Variants in ELAVL2 observed in about 807,000 individuals in gnomAD.
ELAVL2 encodes the protein ELAV-like protein 2.
ELAVL2 carries 4 observed loss-of-function variants against 34.6 expected under a neutral mutation model. The ratio of observed to expected loss-of-function variants is 0.12; its 90% CI spans 0.06 to 0.26. The LOEUF (loss-of-function observed/expected upper bound fraction) is 0.26, where lower values mean the gene tolerates loss of function less well. Ranked by LOEUF, ELAVL2 falls within the 10% of genes least tolerant of loss-of-function variation. The pLI, the probability that ELAVL2 is intolerant of heterozygous loss-of-function variation, is 1.00. For missense variants in ELAVL2, 432 were observed against 442.8 expected (o/e 0.98, Z 0.22); for synonymous variants, 193 against 154.8 (o/e 1.25, Z -1.83).
intron 5 of ELAVL2, among the ~76,000 whole-genome samples, 165 bp from the exon 6 acceptor site, chr9:23,693,651 A>C (rs2034027840): frequency 6.6e-6 from 1 of 152,182 alleles, no homozygotes; most frequent in Non-Finnish European, 1.5e-5. Flanking sequence ...ATGGGCACCG[A>C]CTGCCACAGG....
rs575766635 is a variant in ELAVL2, at chr9:23,778,956, G to T, written c.-15-16707C>A. 5.9e-5 allele frequency among the ~76,000 whole-genome samples: 9 copies of T among 152,278 alleles called. No individual in the cohort carries two copies. The South Asian group carries it at 8.3e-4, about 14-fold the overall frequency. On this transcript the variant is annotated intron_variant, in intron 1 of 6. Transcript: ENST00000397312. ...TAGGTATATCCTGTCCCTTCTGGGGGCTGAGTTTGAGACAGTTAATTCAAA... is the reference window on the plus strand; with the variant it reads ...TAGGTATATCCTGTCCCTTCTGGGGTCTGAGTTTGAGACAGTTAATTCAAA...
chr9:23,757,146 G>T lies in ELAVL2; in HGVS notation c.229+4860C>A, dbSNP rs1000060893. Among the ~76,000 whole-genome samples, 8 of 152,236 alleles carry T rather than the reference G, an allele frequency of 5.3e-5. No individual in the cohort carries two copies. In the East Asian group the frequency reaches 1.2e-3, roughly 22 times the overall value. On this transcript the variant is annotated intron_variant, in intron 2 of 6. Coordinates refer to ENST00000397312, the MANE Select transcript of ELAVL2 (RefSeq NM_004432.5). Reference sequence around the variant, plus strand: ...AACCATAGATTATAATGTTTCTAGAGAAGCACAGATGTTCTTGTTCATTTG... The same window carrying T: ...AACCATAGATTATAATGTTTCTAGATAAGCACAGATGTTCTTGTTCATTTG...
chr9:23,748,983 G>A (rs573120333), intron 2 of ELAVL2, among the ~76,000 whole-genome samples: 1 of 152,212 alleles, frequency 6.6e-6, no homozygotes, highest in African/African-American at 2.4e-5. Context: ...GAGCAAAGGA[G>A]GTGGGTGAGG....
chr9:23,761,899 T>G, intron 2 of ELAVL2, 107 bp downstream of exon 2: 1 of 1,337,216 alleles, frequency 7.5e-7, no homozygotes, highest in Non-Finnish European at 9.9e-7. Flanking sequence ...AAAATCTAGA[T>G]ATGTAAAATT....
the ELAVL2 span, among the ~76,000 whole-genome samples, chr9:23,833,977 T>C: frequency 2.0e-5 from 3 of 151,986 alleles, no homozygotes; most frequent in Non-Finnish European, 4.4e-5. Flanking sequence ...CAATACATAA[T>C]CACTTCCTAT....
chr9:23,774,083 C>T (rs1016352969), intron 1 of ELAVL2, among the ~76,000 whole-genome samples: 17 of 151,398 alleles, frequency 1.1e-4, no homozygotes, highest in Non-Finnish European at 1.8e-4. Flanking sequence ...TGGTGGCGGG[C>T]GCCTGTAGTC....
At chr9:23,754,869 G>A (rs2053158649) in intron 2 of ELAVL2, among the ~76,000 whole-genome samples, 2 of 152,116 alleles carry the variant, frequency 1.3e-5, no homozygotes, top group South Asian at 4.1e-4. Context: ...AATTTCCCAT[G>A]GGAAGATGTC....
the ELAVL2 span, among the ~76,000 whole-genome samples, chr9:23,837,818 A>G: frequency 6.6e-6 from 1 of 152,196 alleles, no homozygotes; most frequent in South Asian, 2.1e-4. Context: ...AGAAATAATC[A>G]TACTCTTATA....
rs185137714 is a variant in ELAVL2 at position 23,727,866 on chromosome 9, T to C, written c.333+3156A>G. Among the ~76,000 whole-genome samples, 16 of 152,172 alleles carry C rather than the reference T, an allele frequency of 1.1e-4. No homozygotes were observed. The East Asian group carries it at 3.1e-3, about 29-fold the overall frequency. On this transcript the variant is annotated intron_variant, in intron 3 of 6. Transcript: ENST00000397312. ...GCTATTAGGGAGCCCCAGGAGAAAC[T>C]GCTAAATAAACCACCTTTCACAGCA...
At chr9:23,728,200 A>C (rs1418957982) in intron 3 of ELAVL2, among the ~76,000 whole-genome samples, 5 of 152,028 alleles carry the variant, frequency 3.3e-5, no homozygotes. Context: ...TGTAATTCCA[A>C]AACTTCTGTG....
chr9:23,835,530 C>G, the ELAVL2 span, among the ~76,000 whole-genome samples: 1 of 152,028 alleles, frequency 6.6e-6, no homozygotes, highest in African/African-American at 2.4e-5. Flanking sequence ...AAAAATCTAT[C>G]AAAATAAATA....
At position 23,791,581 on chromosome 9, in the gene ELAVL2, T is replaced by G. The variant is rs1352018899; in HGVS notation, c.-15-29332A>C. ...CAGGAAATAAGGCTAAATGAGGTCATAAGTGTAAATAATTAAGAATAAATG... is the reference window on the plus strand; with the variant it reads ...CAGGAAATAAGGCTAAATGAGGTCAGAAGTGTAAATAATTAAGAATAAATG... On this transcript the variant is annotated intron_variant, in intron 1 of 6. Coordinates refer to ENST00000397312, the MANE Select transcript of ELAVL2 (RefSeq NM_004432.5). Among the ~76,000 whole-genome samples the G allele has an allele frequency of 2.0e-5, 3 of 152,206 alleles. No individual in the cohort carries two copies. The East Asian group carries it at 5.8e-4, about 30-fold the overall frequency.
At chr9:23,786,366 T>C (rs1159236481) in intron 1 of ELAVL2, among the ~76,000 whole-genome samples, 2 of 152,194 alleles carry the variant, frequency 1.3e-5, no homozygotes, top group South Asian at 2.1e-4. Context: ...TAAATGCTTA[T>C]TTCATACTGA....
intron 1 of ELAVL2, among the ~76,000 whole-genome samples, chr9:23,815,677 C>T (rs940659463): frequency 6.6e-6 from 1 of 151,946 alleles, no homozygotes; most frequent in African/African-American, 2.4e-5. Flanking sequence ...GTTAAGAAAC[C>T]AAGGATATAA....
chr9:23,749,619 C>T (rs911868973), intron 2 of ELAVL2, among the ~76,000 whole-genome samples: 6 of 152,018 alleles, frequency 3.9e-5, no homozygotes, highest in African/African-American at 1.4e-4. Context: ...GGGTTTCAGT[C>T]TTTGTTTAAA....
At chr9:23,809,600 T>C (rs1245650534) in intron 1 of ELAVL2, among the ~76,000 whole-genome samples, 13 of 152,192 alleles carry the variant, frequency 8.5e-5, no homozygotes, top group East Asian at 1.9e-4. Context: ...TAATTTTCAA[T>C]TGATTATCAG....
chr9:23,699,564 T>C (rs1207630008), intron 5 of ELAVL2, among the ~76,000 whole-genome samples: 3 of 152,336 alleles, frequency 2.0e-5, no homozygotes, highest in African/African-American at 7.2e-5. Context: ...TGAAATTAAC[T>C]GGACAAGCTG....
At chr9:23,824,754 T>A (rs1294919148) in intron 1 of ELAVL2, among the ~76,000 whole-genome samples, 4 of 152,068 alleles carry the variant, frequency 2.6e-5, no homozygotes, top group African/African-American at 9.7e-5. Flanking sequence ...ATCACAAAAG[T>A]TAAAATGAAG....
chr9:23,814,982 A>G (rs1022728201), intron 1 of ELAVL2, among the ~76,000 whole-genome samples: 1 of 152,164 alleles, frequency 6.6e-6, no homozygotes, highest in African/African-American at 2.4e-5. Context: ...CATCCTTTAA[A>G]AGCTGAACAA....
Sources: gnomAD v4.1 joint callset for allele counts (sites outside exome capture counted in the v4.1 genomes callset) on GRCh38, gnomAD v4.1.1 for gene constraint, MANE v1.5 for transcripts, NCBI Gene and HGNC (gene_info 2026-07-23, HGNC 2026-07-21) for gene names.